PGAP6: variants seen among roughly 807,000 people sequenced by gnomAD.
PGAP6 encodes the protein post-GPI attachment to proteins factor 6.
Under a neutral mutation model 68.4 loss-of-function variants are expected in PGAP6, and 62 were observed. That is an observed-to-expected ratio of 0.91 (90% CI 0.74 to 1.12). PGAP6 has a LOEUF of 1.12. PGAP6 is among the 50% of genes most tolerant of loss of function. PGAP6 has a pLI of 0.00. For missense variants in PGAP6, 1,188 were observed against 1,068.5 expected, an observed-to-expected ratio of 1.11 and a Z score of -1.56; for synonymous variants, 575 against 474.0, an observed-to-expected ratio of 1.21 and a Z score of -2.77.
In PGAP6 at chr16:371,925, C is replaced by G; in HGVS notation, c.*62G>C. On this transcript the variant is annotated 3_prime_UTR_variant, in exon 13 of 13. Coordinates refer to ENST00000431232, the MANE Select transcript of PGAP6 (RefSeq NM_021259.3). ...CTGTCCAGGGCTGGACCAGGCGCCT[C>G]CCCCTCGATACAGCTCCTGGCTGAA... 1.3e-6 allele frequency: 2 copies of G among 1,548,740 alleles called. No homozygotes were observed. Among genetic ancestry groups the G allele is most frequent in the South Asian group, 1.2e-5 (1 of 82,602 alleles).
chr16:377,487 A>G lies in PGAP6; in HGVS notation c.398T>C (p.Leu133Pro), dbSNP rs776672573. 3 of 1,607,516 alleles carry G rather than the reference A, an allele frequency of 1.9e-6. No homozygotes were observed. Among genetic ancestry groups the G allele is most frequent in the South Asian group, 1.1e-5 (1 of 90,004 alleles). Residue 133 changes from leucine (L) to proline (P), a missense_variant, in exon 3 of 13, where the codon CTG becomes CCG. Physicochemically the swap from Leu to Pro is moderately conservative, Grantham distance 98 (BLOSUM62 -3). Transcript: ENST00000431232. ...GGCATTGCTTCTCGGTGTGGTGCTC[A>G]GCGGCACCCCGACCTGGAAGGAGGG... ...VQPSFQVGVPLSTTPRSNASV... is the reference protein window; with the variant it reads ...VQPSFQVGVPPSTTPRSNASV...
At chr16:386,886 A>G (rs757822448), upstream of PGAP6, 3 of 633,598 alleles carry the variant, frequency 4.7e-6, no homozygotes, top group African/African-American at 3.7e-5. Context: ...GAAGACCCGC[A>G]CGTCACTCAC....
chr16:374,414 C>T lies in PGAP6; in HGVS notation c.1577-15G>A. The T allele has an allele frequency of 6.4e-7, 1 of 1,551,474 alleles. No homozygotes were observed. The highest frequency in any genetic ancestry group is 8.7e-7 in the Non-Finnish European group (1 of 1,153,604). On this transcript the variant is annotated splice_polypyrimidine_tract_variant and intron_variant, in intron 9 of 12. Coordinates refer to ENST00000431232, the MANE Select transcript of PGAP6 (RefSeq NM_021259.3). ...CCCACGCCAGCCTGCGGTCACAAAA[C>T]CCCGACGCGGAGGCTGGGGGCACTG...
intron 1 of PGAP6, among the ~76,000 whole-genome samples, chr16:380,335 T>C (rs1053813740): frequency 2.6e-5 from 4 of 151,984 alleles, no homozygotes; most frequent in Admixed American, 6.6e-5. Context: ...AGGCTTACAT[T>C]ACCACACCCA....
In PGAP6 at chr16:376,678, G is replaced by T; in HGVS notation, c.770C>A (p.Thr257Asn). Residue 257 changes from threonine (T) to asparagine (N), a missense_variant, in exon 5 of 13, where the codon ACC (threonine) becomes AAC (asparagine). By Grantham distance (65) the Thr-to-Asn change is moderately conservative. Coordinates refer to ENST00000431232, the MANE Select transcript of PGAP6 (RefSeq NM_021259.3). The stretch of plus-strand genomic sequence containing the variant: ...GCAGGGCCAGGGGGCACCGGTGCAG[G>T]TGAGCACCTTCTGGAAGTTGCTAGG... Reference protein sequence around the residue: ...TLPSNFQKVLTCTGAPWPCRL... With the variant: ...TLPSNFQKVLNCTGAPWPCRL... 6.2e-7 allele frequency: 1 copy of T among 1,611,360 alleles called. No homozygotes were observed. The highest frequency in any genetic ancestry group is 2.2e-5 in the East Asian group (1 of 44,858).
upstream of PGAP6, chr16:384,415 CTCAG>C (rs1439925217): frequency 6.6e-6 from 1 of 152,308 alleles, no homozygotes; most frequent in Admixed American, 6.5e-5. Context: ...GGAAACACAG[CTCAG>C]TCAGGCTACT....
upstream of PGAP6, among the ~76,000 whole-genome samples, chr16:385,612 A>T (rs1269096475): frequency 7.7e-6 from 1 of 129,164 alleles, no homozygotes; most frequent in South Asian, 2.5e-4. Flanking sequence ...CGCCCGGCCT[A>T]CTCTGATTTT....
upstream of PGAP6, chr16:382,096 G>GGA: frequency 2.8e-6 from 1 of 360,558 alleles, no homozygotes; most frequent in East Asian, 4.0e-5. Flanking sequence ...CCGGTAGGGG[G>GGA]GAGGGGTCAC....
chr16:382,325 C>T (rs1242338205), upstream of PGAP6: 5 of 388,586 alleles, frequency 1.3e-5, no homozygotes, highest in Admixed American at 1.3e-4. Flanking sequence ...GTGGCAGGCT[C>T]GGGGAGCCCG....
At chr16:385,658 T>A (rs1227144414), upstream of PGAP6, among the ~76,000 whole-genome samples, 2 of 99,544 alleles carry the variant, frequency 2.0e-5, no homozygotes, top group African/African-American at 4.2e-5. Flanking sequence ...GGAATCTCGC[T>A]CTGTCGCCCA....
upstream of PGAP6, chr16:382,043 C>CG: frequency 1.1e-5 from 7 of 611,246 alleles, no homozygotes; most frequent in Non-Finnish European, 1.5e-5. Context: ...GGGGGCGGGA[C>CG]CGGGGGGGGC....
In PGAP6 at chr16:377,553, T is replaced by G; in HGVS notation, c.332A>C (p.Asn111Thr). ...GTCCGGGAAGCTGGTGCCCAGCGGGTTGATGACCGGAGGGGCGCCGGAACG... is the reference window on the plus strand; with the variant it reads ...GTCCGGGAAGCTGGTGCCCAGCGGGGTGATGACCGGAGGGGCGCCGGAACG... Reference protein sequence around the residue: ...HFRSGAPPVINPLGTSFPDDT... With the variant: ...HFRSGAPPVITPLGTSFPDDT... The change falls in exon 3 of 13, where the codon AAC (asparagine) becomes ACC (threonine). Residue 111 changes from asparagine (N) to threonine (T), a missense_variant. Coordinates refer to ENST00000431232, the MANE Select transcript of PGAP6 (RefSeq NM_021259.3). 1 of 1,586,400 alleles carries G rather than the reference T, an allele frequency of 6.3e-7. No individual in the cohort carries two copies. Among genetic ancestry groups the G allele is most frequent in the South Asian group, 1.1e-5 (1 of 87,674 alleles).
At position 377,766 on chromosome 16, in the gene PGAP6, G is replaced by A; in HGVS notation, c.204C>T (p.Phe68=). 6.3e-7 allele frequency: 1 copy of A among 1,590,626 alleles called. No individual in the cohort carries two copies. Among genetic ancestry groups the A allele is most frequent in the Non-Finnish European group, 8.6e-7 (1 of 1,169,358 alleles). The change falls in exon 2 of 13, where the codon TTC becomes TTT. Residue 68 remains phenylalanine, a synonymous_variant. Transcript: ENST00000431232. ...FYSWYGSARL[F]RFRVPPDAVL... ...CAGCATCTGGGGGCACGCGGAAGCG[G>A]AAGAGCCTGGCACTGCCGTACCAGC...
chr16:379,770 C>A (rs2054422557), intron 1 of PGAP6, among the ~76,000 whole-genome samples: 1 of 152,082 alleles, frequency 6.6e-6, no homozygotes, highest in Non-Finnish European at 1.5e-5. Flanking sequence ...TCCCAGGGCT[C>A]ACAGCCCCTC....
At chr16:383,446 G>A (rs1415051579), upstream of PGAP6, 2 of 152,278 alleles carry the variant, frequency 1.3e-5, no homozygotes, top group African/African-American at 4.8e-5. Flanking sequence ...TCACGGAAGT[G>A]GCACACTGCA....
At position 374,244 on chromosome 16, in the gene PGAP6, C is replaced by T. The variant is rs375684906; in HGVS notation, c.1732G>A (p.Ala578Thr). 1.1e-5 allele frequency: 17 copies of T among 1,608,582 alleles called. No individual in the cohort carries two copies. The highest frequency in any genetic ancestry group is 2.2e-5 in the East Asian group (1 of 44,876). Residue 578 changes from alanine to threonine, a missense_variant, in exon 10 of 13, where the codon GCC (alanine) becomes ACC (threonine). Transcript: ENST00000431232. ...RFFLVEASVYAYTMFFSTFYH... is the reference protein window; with the variant it reads ...RFFLVEASVYTYTMFFSTFYH... ...ACCGTGGAGAAGAACATGGTGTAGG[C>T]GTAGACGGAGGCCTCCACCAGGAAG...
rs413390 is a variant in PGAP6, at chr16:371,723, A to C, written c.*264T>G. ...CCTCGCACAGGCACCTGTGGTCTCCAAGTAACCAAGCCCAGGCCCCAGGGG... is the reference window on the plus strand; with the variant it reads ...CCTCGCACAGGCACCTGTGGTCTCCCAGTAACCAAGCCCAGGCCCCAGGGG... On this transcript the variant is annotated 3_prime_UTR_variant, in exon 13 of 13. Coordinates refer to ENST00000431232, the MANE Select transcript of PGAP6 (RefSeq NM_021259.3). The C allele has an allele frequency of 0.088, 42,046 of 479,422 alleles. 2,538 individuals are homozygous for C. The highest frequency in any genetic ancestry group is 0.12 in the Non-Finnish European group (32,187 of 262,134). 29.7% of individuals were successfully genotyped at this position (479,422 alleles called of 1,614,324 possible).
rs201830938 is a variant in PGAP6, at chr16:372,212, G to C, written c.2091C>G (p.Pro697=). 8 of 1,612,460 alleles carry C rather than the reference G, an allele frequency of 5.0e-6. No individual in the cohort carries two copies. The highest frequency in any genetic ancestry group is 1.3e-5 in the African/African-American group (1 of 74,918). The change falls in exon 13 of 13, where the codon CCC becomes CCG. Residue 697 remains proline, a synonymous_variant. Coordinates refer to ENST00000431232, the MANE Select transcript of PGAP6 (RefSeq NM_021259.3). ...SWQRWAFYLL[P]GVSMASVGIA... Reference sequence around the variant, plus strand: ...TGCCCACAGAGGCCATAGAGACGCCGGGCAGGAGGTAGAAGGCCCAGCGCT... The same window carrying C: ...TGCCCACAGAGGCCATAGAGACGCCCGGCAGGAGGTAGAAGGCCCAGCGCT...
At position 371,994 on chromosome 16, in the gene PGAP6, A is replaced by G; in HGVS notation, c.2309T>C (p.Val770Ala). The G allele has an allele frequency of 3.1e-6, 5 of 1,611,656 alleles. No homozygotes were observed. Among genetic ancestry groups the G allele is most frequent in the Non-Finnish European group, 4.2e-6 (5 of 1,179,224 alleles). The change falls in exon 13 of 13, where the codon GTG becomes GCG. Residue 770 changes from valine to alanine, a missense_variant. Physicochemically the swap from Val to Ala is moderately conservative, Grantham distance 64. Transcript: ENST00000431232. Reference sequence around the variant, plus strand: ...GCTGTCCCCAGGCCAGTGTCACGTCACTGCGTACAGTTCCTCCCGATCGTT... The same window carrying G: ...GCTGTCCCCAGGCCAGTGTCACGTCGCTGCGTACAGTTCCTCCCGATCGTT... ...CKNDREELYA[V>A]T
Sources: gnomAD v4.1 joint callset for allele counts (sites outside exome capture counted in the v4.1 genomes callset) on GRCh38, gnomAD v4.1.1 for gene constraint, MANE v1.5 for transcripts, NCBI Gene and HGNC (gene_info 2026-07-23, HGNC 2026-07-21) for gene names.